The following LILRB5 variants were observed in gnomAD, a reference collection of about 807,000 sequenced individuals.
LILRB5 encodes leukocyte immunoglobulin like receptor B5.
In LILRB5, 61 loss-of-function variants were observed where a neutral mutation model predicts 68.4. That is an observed-to-expected ratio of 0.89 (90% CI 0.73 to 1.10). The LOEUF (loss-of-function observed/expected upper bound fraction) is 1.10. Ranked by LOEUF, LILRB5 falls within the 50% of genes least tolerant of loss-of-function variation. The pLI is 0.00. For missense variants in LILRB5, 771 were observed against 751.6 expected, an observed-to-expected ratio of 1.03 and a Z score of -0.30; for synonymous variants, 356 against 315.8, an observed-to-expected ratio of 1.13 and a Z score of -1.35.
intron 12 of LILRB5, chr19:54,251,220 G>C (rs546071666): frequency 3.7e-6 from 5 of 1,369,818 alleles, no homozygotes; most frequent in Non-Finnish European, 4.1e-6. Flanking sequence ...TGACCTCCTG[G>C]AGTCAATTTT....
intron 8 of LILRB5, 152 bp downstream of exon 8, chr19:54,253,866 G>A (rs2079034489): frequency 1.3e-5 from 20 of 1,511,826 alleles, no homozygotes; most frequent in Non-Finnish European, 1.8e-5. Flanking sequence ...CATCAATGCA[G>A]GCCTCTCTCC....
chr19:54,254,840 G>A lies in LILRB5; in HGVS notation c.1150C>T (p.Pro384Ser). Residue 384 changes from proline to serine, a missense_variant, in exon 6 of 13, where the codon CCT becomes TCT. Transcript: ENST00000449561. ...YRHQAEFSMS[P>S]VTSAQGGTYR... The stretch of plus-strand genomic sequence containing the variant: ...GTTCCACCCTGGGCTGAGGTCACAG[G>A]ACTCATGGAGAATTCAGCCTGGTGT... 1 of 1,614,108 alleles carries A rather than the reference G, an allele frequency of 6.2e-7. No individual in the cohort carries two copies.
intron 11 of LILRB5, 127 bp downstream of exon 11, chr19:54,252,239 A>C (rs2078981015): frequency 6.9e-7 from 1 of 1,443,202 alleles, no homozygotes; most frequent in Middle Eastern, 1.8e-4. Flanking sequence ...GAGGTCCCAC[A>C]GTGTGGGTTC....
Position 54,250,817 on chromosome 19 carries a change from G to T in LILRB5, c.1745C>A (p.Pro582His). 1.2e-6 allele frequency: 2 copies of T among 1,614,130 alleles called. No homozygotes were observed. The highest frequency in any genetic ancestry group is 1.7e-6 in the Non-Finnish European group (2 of 1,180,026). ...PSQEREPPAE[P>H]SIYAPLAIH ...GATGGCCAGGGGGGCGTAGATGCTGGGTTCAGCTGGAGGTTCCCTTTCCTG... is the reference window on the plus strand; with the variant it reads ...GATGGCCAGGGGGGCGTAGATGCTGTGTTCAGCTGGAGGTTCCCTTTCCTG... Residue 582 changes from proline to histidine, a missense_variant, in exon 13 of 13, where the codon CCC becomes CAC. Physicochemically the swap from Pro to His is moderately conservative, Grantham distance 77. Transcript: ENST00000449561.
intron 9 of LILRB5, 113 bp downstream of exon 9, chr19:54,252,758 G>A (rs987332376): frequency 2.7e-6 from 3 of 1,121,428 alleles, no homozygotes; most frequent in Non-Finnish European, 3.9e-6. Flanking sequence ...TTTCACCTGG[G>A]AATTTCTGGA....
Position 54,250,642 on chromosome 19 carries a change from C to G in LILRB5, c.*144G>C, listed in dbSNP as rs2078910338. The G allele has an allele frequency of 7.9e-6, 8 of 1,011,664 alleles. No individual in the cohort carries two copies. The highest frequency in any genetic ancestry group is 1.2e-5 in the Non-Finnish European group (8 of 691,210). The allele number at this position is 1,011,664 out of a possible 1,614,324, so 62.7% of individuals were successfully genotyped here. A position where few individuals can be genotyped will look rare whatever the true frequency, so the allele number is the denominator to read the frequency against. On this transcript the variant is annotated 3_prime_UTR_variant, in exon 13 of 13. Coordinates refer to ENST00000449561, the MANE Select transcript of LILRB5 (RefSeq NM_001081442.3). ...CTTTGACTGCAGAATCTAGTGAGTC[C>G]CAGAGTTCCCAGGATGTCCTGGTGG... is the stretch of plus-strand genomic sequence containing the variant.
chr19:54,252,755 T>C, intron 9 of LILRB5, 116 bp downstream of exon 9: 1 of 1,105,978 alleles, frequency 9.0e-7, no homozygotes, highest in Non-Finnish European at 1.3e-6. Flanking sequence ...ATTTTTCACC[T>C]GGGAATTTCT....
Position 54,254,990 on chromosome 19 carries a change from C to T in LILRB5, c.1000G>A (p.Val334Met), listed in dbSNP as rs1290345952. 6.2e-7 allele frequency: 1 copy of T among 1,612,180 alleles called. No homozygotes were observed. Among genetic ancestry groups the T allele is most frequent in the Non-Finnish European group, 8.5e-7 (1 of 1,179,150 alleles). Residue 334 changes from valine to methionine, a missense_variant, in exon 6 of 13, where the codon GTG becomes ATG. Physicochemically the swap from Val to Met is conservative, Grantham distance 21. Coordinates refer to ENST00000449561, the MANE Select transcript of LILRB5 (RefSeq NM_001081442.3). ...PALSVQPGPK[V>M]ASGENVTLLC... Reference sequence around the variant, plus strand: ...AGGGTCACGTTCTCTCCTGAGGCCACCTTGGGGCCCGGCTGCACCGAGAGG... The same window carrying T: ...AGGGTCACGTTCTCTCCTGAGGCCATCTTGGGGCCCGGCTGCACCGAGAGG...
chr19:54,250,621 G>T lies in LILRB5; in HGVS notation c.*165C>A. On this transcript the variant is annotated 3_prime_UTR_variant, in exon 13 of 13. Transcript: ENST00000449561. ...AAATGCAAGGATATTAGTCATCTTT[G>T]ACTGCAGAATCTAGTGAGTCCCAGA... 2.6e-6 allele frequency: 2 copies of T among 783,196 alleles called. No homozygotes were observed. The highest frequency in any genetic ancestry group is 3.8e-5 in the South Asian group (2 of 52,092). 48.5% of individuals were successfully genotyped at this position (783,196 alleles called of 1,614,324 possible).
chr19:54,255,666 A>G (rs111246964), intron 4 of LILRB5, 84 bp from the exon 5 acceptor site: 41 of 1,432,250 alleles, frequency 2.9e-5, no homozygotes, highest in Middle Eastern at 4.3e-4. Context: ...CTGGCCCTGC[A>G]GGTCTCACTG....
chr19:54,256,555 G>T lies in LILRB5; in HGVS notation c.289C>A (p.Arg97Ser), dbSNP rs147284281. The T allele has an allele frequency of 9.5e-5, 153 of 1,614,040 alleles. No homozygotes were observed. The highest frequency in any genetic ancestry group is 1.1e-4 in the Non-Finnish European group (128 of 1,180,014). ...STVYDSAGRYRCYYETPAGWS... is the reference protein window; with the variant it reads ...STVYDSAGRYSCYYETPAGWS... ...CCTGCAGGGGTCTCATAGTAGCAGCGGTATCGCCCTGCACTGTCATACACC... is the reference window on the plus strand; with the variant it reads ...CCTGCAGGGGTCTCATAGTAGCAGCTGTATCGCCCTGCACTGTCATACACC... Residue 97 changes from arginine (R) to serine (S), a missense_variant, in exon 3 of 13, where the codon CGC becomes AGC. Arg to Ser is a moderately radical substitution (Grantham distance 110, BLOSUM62 -1). Transcript: ENST00000449561.
Position 54,254,909 on chromosome 19 carries a change from C to T in LILRB5, c.1081G>A (p.Ala361Thr). The T allele has an allele frequency of 6.2e-7, 1 of 1,614,120 alleles. No individual in the cohort carries two copies. The highest frequency in any genetic ancestry group is 2.2e-5 in the East Asian group (1 of 44,866). ...DTFFLTKEGAAHPPLCLKSKY... is the reference protein window; with the variant it reads ...DTFFLTKEGATHPPLCLKSKY... ...GACTTTAGACACAGCGGGGGATGGGCTGCCCCCTCCTTGGTCAAAAAGAAA... is the reference window on the plus strand; with the variant it reads ...GACTTTAGACACAGCGGGGGATGGGTTGCCCCCTCCTTGGTCAAAAAGAAA... Residue 361 changes from alanine (A) to threonine (T), a missense_variant, in exon 6 of 13, where the codon GCC (alanine) becomes ACC (threonine). Coordinates refer to ENST00000449561, the MANE Select transcript of LILRB5 (RefSeq NM_001081442.3).
Position 54,254,935 on chromosome 19 carries a change from G to A in LILRB5, c.1055C>T (p.Thr352Ile), listed in dbSNP as rs1172762998. The A allele has an allele frequency of 1.2e-6, 2 of 1,613,842 alleles. No individual in the cohort carries two copies. The highest frequency in any genetic ancestry group is 1.7e-5 in the Admixed American group (1 of 59,986). ...TGCCCCCTCCTTGGTCAAAAAGAAA[G>A]TGTCTATCTGATGCCATGACTGACA... is the stretch of plus-strand genomic sequence containing the variant. ...LLCQSWHQID[T>I]FFLTKEGAAH... The change falls in exon 6 of 13, where the codon ACT (threonine) becomes ATT (isoleucine). Residue 352 changes from threonine (T) to isoleucine (I), a missense_variant. Thr to Ile is a moderately conservative substitution (Grantham distance 89, BLOSUM62 -1). Coordinates refer to ENST00000449561, the MANE Select transcript of LILRB5 (RefSeq NM_001081442.3).
Position 54,252,408 on chromosome 19 carries a change from G to A in LILRB5, c.1539-5C>T. Reference sequence around the variant, plus strand: ...ATGTCAGCAACTGGGCTGGCCCTGGGGGAGGACACGGGAGTGTGAGGGGCA... The same window carrying A: ...ATGTCAGCAACTGGGCTGGCCCTGGAGGAGGACACGGGAGTGTGAGGGGCA... On this transcript the variant is annotated splice_polypyrimidine_tract_variant and splice_region_variant and intron_variant, in intron 10 of 12. Transcript: ENST00000449561. 6.2e-7 allele frequency: 1 copy of A among 1,614,142 alleles called. No individual in the cohort carries two copies. Among genetic ancestry groups the A allele is most frequent in the African/African-American group, 1.3e-5 (1 of 75,048 alleles).
In LILRB5 at chr19:54,256,283, T is replaced by TTCC. The variant is rs1454983990; in HGVS notation, c.412_414dup (p.Gly138dup). The TTCC allele has an allele frequency of 6.2e-7, 1 of 1,613,488 alleles. No individual in the cohort carries two copies. Among genetic ancestry groups the TTCC allele is most frequent in the Non-Finnish European group, 8.5e-7 (1 of 1,179,878 alleles). ...AGTGTATCACACTGGAGGGTCACAT[T>TTCC]TCCTCCTGAGGCCACCACAGGACTC... On this transcript the variant is annotated inframe_insertion, in exon 4 of 13. Transcript: ENST00000449561.
intron 5 of LILRB5, 115 bp from the exon 6 acceptor site, chr19:54,255,152 C>T: frequency 4.1e-6 from 6 of 1,475,404 alleles, no homozygotes; most frequent in Non-Finnish European, 4.5e-6. Context: ...CCTCCCCACC[C>T]ATCCCCTGTC....
intron 8 of LILRB5, chr19:54,253,649 G>T: frequency 1.7e-6 from 1 of 599,124 alleles, no homozygotes; most frequent in Non-Finnish European, 3.0e-6. Flanking sequence ...GTAGAAAGTT[G>T]ACCTGCCTGG....
chr19:54,256,260 T>A lies in LILRB5; in HGVS notation c.438A>T (p.Thr146=), dbSNP rs1260496907. 1 of 1,613,826 alleles carries A rather than the reference T, an allele frequency of 6.2e-7. No individual in the cohort carries two copies. Among genetic ancestry groups the A allele is most frequent in the Non-Finnish European group, 8.5e-7 (1 of 1,179,962 alleles). Residue 146 remains threonine, a synonymous_variant, in exon 4 of 13, where the codon ACA becomes ACT. Transcript: ENST00000449561. ...SGGNVTLQCD[T]LDGLLTFVLV... ...GAACAAACGTGAGAAGTCCGTCCAG[T>A]GTATCACACTGGAGGGTCACATTTC...
In LILRB5 at chr19:54,256,269, C is replaced by T; in HGVS notation, c.429G>A (p.Gln143=). Reference sequence around the variant, plus strand: ...TGAGAAGTCCGTCCAGTGTATCACACTGGAGGGTCACATTTCCTCCTGAGG... The same window carrying T: ...TGAGAAGTCCGTCCAGTGTATCACATTGGAGGGTCACATTTCCTCCTGAGG... ...VVASGGNVTL[Q]CDTLDGLLTF... Residue 143 remains glutamine, a synonymous_variant, in exon 4 of 13, where the codon CAG becomes CAA. Transcript: ENST00000449561. The T allele has an allele frequency of 6.2e-7, 1 of 1,613,904 alleles. No individual in the cohort carries two copies. The highest frequency in any genetic ancestry group is 8.5e-7 in the Non-Finnish European group (1 of 1,179,978).
Sources: gnomAD v4.1 joint callset for allele counts on GRCh38, gnomAD v4.1.1 for gene constraint, MANE v1.5 for transcripts, NCBI Gene and HGNC (gene_info 2026-07-23, HGNC 2026-07-21) for gene names.